The following PTCHD4 variants were observed in gnomAD, a reference collection of about 807,000 sequenced individuals.
The protein encoded by PTCHD4 is patched domain containing 4.
PTCHD4 carries 33 observed loss-of-function variants against 58.1 expected under a neutral mutation model. The observed-to-expected ratio is 0.57, with a 90% CI of 0.43 to 0.76. The LOEUF is 0.76. Among genes scored for constraint, PTCHD4 ranks in the 30% least tolerant of loss-of-function variants. The pLI is 0.00. For missense variants in PTCHD4, 1,058 were observed against 1,027.1 expected (o/e 1.03, Z -0.41); for synonymous variants, 478 against 409.6 (o/e 1.17, Z -2.02).
intron 3 of PTCHD4, among the ~76,000 whole-genome samples, chr6:48,023,913 A>C (rs970882228): frequency 4.6e-5 from 7 of 152,152 alleles, no homozygotes; most frequent in Non-Finnish European, 8.8e-5. Context: ...AATGATGGCA[A>C]AACCACCTTG....
chr6:47,978,568 C>T (rs144987382), intron 4 of PTCHD4, among the ~76,000 whole-genome samples: 3 of 152,266 alleles, frequency 2.0e-5, no homozygotes, highest in South Asian at 2.1e-4. Flanking sequence ...TTATACGTTT[C>T]TAATTATGAT....
At chr6:48,110,375 T>G (rs1446622725) in intron 1 of PTCHD4, among the ~76,000 whole-genome samples, 1 of 151,906 alleles carries the variant, frequency 6.6e-6, no homozygotes, top group Non-Finnish European at 1.5e-5. Flanking sequence ...TTGAAAGAAA[T>G]AAACTACCCT....
chr6:47,989,889 C>T (rs993491403), intron 4 of PTCHD4, among the ~76,000 whole-genome samples: 3 of 152,118 alleles, frequency 2.0e-5, no homozygotes, highest in Non-Finnish European at 4.4e-5. Flanking sequence ...ACCCCAGAAC[C>T]GTAGATCCAC....
intron 3 of PTCHD4, among the ~76,000 whole-genome samples, chr6:48,045,879 G>C (rs1764019442): frequency 6.6e-6 from 1 of 151,282 alleles, no homozygotes; most frequent in South Asian, 2.1e-4. Flanking sequence ...AGTATATAAG[G>C]GATCCTCACT....
rs550555689 is a variant in PTCHD4 at position 48,016,970 on chromosome 6, T to C, written c.418-7856A>G. ...CAGCTTTTGTCCAAGACAATTGCAA[T>C]TCAGATTTCATTGATTTTCCATGAG... On this transcript the variant is annotated intron_variant, in intron 3 of 4. Transcript: ENST00000339488. Among the ~76,000 whole-genome samples, 100 of 152,328 alleles carry C rather than the reference T, an allele frequency of 6.6e-4. 1 individual carries two copies. The highest frequency in any genetic ancestry group is 2.2e-3 in the African/African-American group (92 of 41,574).
Position 47,878,344 on chromosome 6 carries a change from T to C in PTCHD4, c.2491A>G (p.Ile831Val). 3.7e-6 allele frequency: 6 copies of C among 1,608,266 alleles called. No homozygotes were observed. The South Asian group carries it at 4.4e-5, about 12-fold the overall frequency. Residue 831 changes from isoleucine (I) to valine (V), a missense_variant, in exon 5 of 5, where the codon ATA becomes GTA. Ile to Val is a conservative substitution (Grantham distance 29, BLOSUM62 3). Transcript: ENST00000339488. ...TGATCCGGGTTCTCTTGAATTTCTA[T>C]GCATTCAATTTCCTCTCTCTCCTTT... ...KRKEREEIEC[I>V]EIQENPDHVT... is the part of the protein sequence containing the mutation.
intron 4 of PTCHD4, among the ~76,000 whole-genome samples, chr6:47,949,493 C>T: frequency 6.6e-6 from 1 of 152,086 alleles, no homozygotes; most frequent in South Asian, 2.1e-4. Flanking sequence ...GGCTCCCTGG[C>T]AGGAAATGCA....
rs143959587 is a variant in PTCHD4, at chr6:47,912,975, C to G, written c.899-33039G>C. On this transcript the variant is annotated intron_variant, in intron 4 of 4. Coordinates refer to ENST00000339488, the MANE Select transcript of PTCHD4 (RefSeq NM_001384253.1). Reference sequence around the variant, plus strand: ...TTGCTCAAGATGAGAGTGAGAATCTCTCTTAAAAGTCATCTTAGACAGTCA... The same window carrying G: ...TTGCTCAAGATGAGAGTGAGAATCTGTCTTAAAAGTCATCTTAGACAGTCA... Among the ~76,000 whole-genome samples the G allele has an allele frequency of 9.5e-4, 145 of 152,252 alleles. 2 individuals carry two copies. Among genetic ancestry groups the G allele is most frequent in the South Asian group, 7.0e-3 (34 of 4,828 alleles).
At chr6:48,091,282 AT>A (rs1045230637) in intron 1 of PTCHD4, among the ~76,000 whole-genome samples, 2 of 151,754 alleles carry the variant, frequency 1.3e-5, no homozygotes, top group African/African-American at 2.4e-5. Context: ...ATAATAAAAA[AT>A]AATAATAAAA....
chr6:47,936,301 T>G (rs949389198), intron 4 of PTCHD4, among the ~76,000 whole-genome samples: 6 of 152,228 alleles, frequency 3.9e-5, no homozygotes, highest in African/African-American at 1.4e-4. Flanking sequence ...GGATGATTCT[T>G]TGTCCTGGTT....
In PTCHD4 at chr6:47,877,531, A is replaced by G. The variant is rs1561933867; in HGVS notation, c.*772T>C. Among the ~76,000 whole-genome samples, 1 of 152,070 alleles carries G rather than the reference A, an allele frequency of 6.6e-6. No individual in the cohort carries two copies. Among genetic ancestry groups the G allele is most frequent in the Non-Finnish European group, 1.5e-5 (1 of 67,974 alleles). On this transcript the variant is annotated 3_prime_UTR_variant, in exon 5 of 5. Transcript: ENST00000339488. The stretch of plus-strand genomic sequence containing the variant: ...GAAGTCATCCAAAGCAAAAGTCTAG[A>G]TGACTGCTGACATGATATGCATAAT...
rs115016449 is a variant in PTCHD4, at chr6:48,072,698, C to T, written c.-969-2772G>A. Among the ~76,000 whole-genome samples, 712 of 152,084 alleles carry T rather than the reference C, an allele frequency of 4.7e-3. 6 individuals are homozygous for T. The highest frequency in any genetic ancestry group is 0.015 in the African/African-American group (641 of 41,490). ...ATATCTGTGTGTGTGTGTTGTGTAT[C>T]TGTAATGGTTTTTATATAACTATCT... On this transcript the variant is annotated intron_variant, in intron 1 of 4. Coordinates refer to ENST00000339488, the MANE Select transcript of PTCHD4 (RefSeq NM_001384253.1).
chr6:48,040,739 T>C (rs1281803414), intron 3 of PTCHD4, among the ~76,000 whole-genome samples: 2 of 152,098 alleles, frequency 1.3e-5, no homozygotes, highest in African/African-American at 2.4e-5. Flanking sequence ...AGTATTCACA[T>C]TTTACAGAGA....
chr6:47,936,692 G>A (rs904432391), intron 4 of PTCHD4, among the ~76,000 whole-genome samples: 2 of 152,064 alleles, frequency 1.3e-5, no homozygotes, highest in Non-Finnish European at 2.9e-5. Flanking sequence ...GATGTGCTAG[G>A]CATTGTTCTA....
chr6:48,016,291 T>C (rs1163705043), intron 3 of PTCHD4, among the ~76,000 whole-genome samples: 1 of 152,014 alleles, frequency 6.6e-6, no homozygotes, highest in Non-Finnish European at 1.5e-5. Flanking sequence ...GTAAAGGCCA[T>C]GAAAGCCTTA....
intron 4 of PTCHD4, among the ~76,000 whole-genome samples, chr6:47,925,080 CACTT>C (rs1436497712): frequency 2.0e-5 from 3 of 149,372 alleles, no homozygotes; most frequent in African/African-American, 7.4e-5. Flanking sequence ...TATAAAAAAG[CACTT>C]ACAACCAGAC....
At chr6:47,961,141 G>A (rs184742381) in intron 4 of PTCHD4, among the ~76,000 whole-genome samples, 28 of 151,816 alleles carry the variant, frequency 1.8e-4, no homozygotes, top group East Asian at 1.6e-3. Context: ...TCTACAAAGC[G>A]TATTCTCTAA....
chr6:47,965,023 G>T (rs1048962074), intron 4 of PTCHD4, among the ~76,000 whole-genome samples: 2 of 152,108 alleles, frequency 1.3e-5, no homozygotes, highest in Non-Finnish European at 1.5e-5. Context: ...TTTATAAAAG[G>T]ATTCCTGCCA....
At chr6:48,103,500 G>GA (rs200468279) in intron 1 of PTCHD4, among the ~76,000 whole-genome samples, 2 of 152,086 alleles carry the variant, frequency 1.3e-5, no homozygotes, top group East Asian at 1.9e-4. Context: ...ACAAAGATGG[G>GA]AAAAAACAGC....
Sources: gnomAD v4.1 joint callset for allele counts (sites outside exome capture counted in the v4.1 genomes callset) on GRCh38, gnomAD v4.1.1 for gene constraint, MANE v1.5 for transcripts, NCBI Gene and HGNC (gene_info 2026-07-23, HGNC 2026-07-21) for gene names.